The following PTPRD variants were observed in gnomAD, a reference collection of about 807,000 sequenced individuals.
PTPRD encodes receptor-type tyrosine-protein phosphatase delta.
A neutral mutation model predicts 214.5 loss-of-function variants in PTPRD; 34 were observed. That is an observed-to-expected ratio of 0.16 (90% CI 0.12 to 0.21). The LOEUF is 0.21. PTPRD is among the 10% of genes least tolerant of loss of function. The probability of loss-of-function intolerance (pLI) is 1.00; values close to 1 mark genes in which losing one functional copy is unlikely to be tolerated. For synonymous variants in PTPRD, 1,128 were observed against 845.7 expected (o/e 1.33, Z -5.79); for missense variants, 2,545 against 2,398.7 (o/e 1.06, Z -1.27).
intron 14 of PTPRD, among the ~76,000 whole-genome samples, chr9:8,591,877 G>A (rs1349197491): frequency 1.3e-5 from 2 of 152,076 alleles, no homozygotes; most frequent in African/African-American, 4.8e-5. Context: ...GAGCTAGTTG[G>A]CCATAAATAA....
At chr9:8,941,142 C>A (rs2099031613) in intron 11 of PTPRD, among the ~76,000 whole-genome samples, 1 of 152,074 alleles carries the variant, frequency 6.6e-6, no homozygotes, top group Non-Finnish European at 1.5e-5. Flanking sequence ...TCTCTTTGCT[C>A]ATAAACACAT....
chr9:9,138,341 T>C (rs886536245), intron 10 of PTPRD, among the ~76,000 whole-genome samples: 1 of 152,148 alleles, frequency 6.6e-6, no homozygotes, highest in East Asian at 1.9e-4. Flanking sequence ...ATAGCTTATG[T>C]ACCTGACACA....
intron 42 of PTPRD, among the ~76,000 whole-genome samples, chr9:8,339,714 C>T (rs527525823): frequency 5.3e-5 from 8 of 151,636 alleles, no homozygotes; most frequent in African/African-American, 1.5e-4. Context: ...GAAGCAAATA[C>T]GAAATAATGC....
chr9:9,471,796 C>A (rs1393489808), intron 8 of PTPRD, among the ~76,000 whole-genome samples: 1 of 152,038 alleles, frequency 6.6e-6, no homozygotes, highest in African/African-American at 2.4e-5. Context: ...ATATTTCATG[C>A]AAAAATGCAA....
At chr9:9,426,426 G>A (rs936266666) in intron 8 of PTPRD, among the ~76,000 whole-genome samples, 5 of 152,144 alleles carry the variant, frequency 3.3e-5, no homozygotes, top group South Asian at 4.1e-4. Flanking sequence ...GAACTGGGTG[G>A]AGCCCACCGC....
At chr9:9,888,340 A>G (rs79918705) in intron 5 of PTPRD, among the ~76,000 whole-genome samples, 7,717 of 152,246 alleles carry the variant, frequency 0.051, 275 homozygotes, top group Middle Eastern at 0.099. Flanking sequence ...CCTTGTGAAG[A>G]CAAGATATAG....
At chr9:9,513,869 A>T (rs1161113240) in intron 8 of PTPRD, among the ~76,000 whole-genome samples, 1 of 152,058 alleles carries the variant, frequency 6.6e-6, no homozygotes, top group Non-Finnish European at 1.5e-5. Context: ...TTTCTTCCTC[A>T]AATAAAAAGG....
At chr9:8,778,698 A>T (rs1299458216) in intron 11 of PTPRD, among the ~76,000 whole-genome samples, 1 of 152,214 alleles carries the variant, frequency 6.6e-6, no homozygotes, top group Non-Finnish European at 1.5e-5. Flanking sequence ...ATCTGCTTAG[A>T]AAGATCAGTA....
chr9:9,811,192 G>T (rs2047023001), intron 5 of PTPRD, among the ~76,000 whole-genome samples: 1 of 152,036 alleles, frequency 6.6e-6, no homozygotes. Flanking sequence ...CAACAAGAAT[G>T]AACTCTGTCT....
At chr9:9,831,127 G>A (rs73641377) in intron 5 of PTPRD, among the ~76,000 whole-genome samples, 29 of 151,982 alleles carry the variant, frequency 1.9e-4, no homozygotes, top group African/African-American at 4.8e-4. Flanking sequence ...CACTGATGTC[G>A]TCATTAAGCA....
chr9:9,073,898 T>C (rs1355227678), intron 10 of PTPRD, among the ~76,000 whole-genome samples: 3 of 152,132 alleles, frequency 2.0e-5, no homozygotes, highest in Non-Finnish European at 4.4e-5. Context: ...ATATACTAAA[T>C]GTAATTAAGC....
intron 3 of PTPRD, among the ~76,000 whole-genome samples, chr9:10,175,376 T>C (rs887040694): frequency 8.6e-5 from 13 of 152,044 alleles, no homozygotes; most frequent in Non-Finnish European, 1.6e-4. Flanking sequence ...ATTATTTGAG[T>C]CTCATCCTAT....
At chr9:10,600,787 G>A (rs921983499) in intron 2 of PTPRD, among the ~76,000 whole-genome samples, 2 of 151,744 alleles carry the variant, frequency 1.3e-5, no homozygotes, top group African/African-American at 4.8e-5. Flanking sequence ...TGGTATATAT[G>A]TTATTAACTA....
intron 2 of PTPRD, among the ~76,000 whole-genome samples, chr9:10,429,297 T>C (rs2154519989): frequency 1.3e-5 from 2 of 151,920 alleles, no homozygotes; most frequent in East Asian, 3.9e-4. Context: ...GAAGTAAAAA[T>C]AGAACTACCA....
chr9:8,462,482 T>A (rs1299820314), intron 32 of PTPRD, among the ~76,000 whole-genome samples: 2 of 152,014 alleles, frequency 1.3e-5, no homozygotes, highest in Non-Finnish European at 2.9e-5. Context: ...GATTCCCAAA[T>A]AAAACGTAGA....
intron 17 of PTPRD, 128 bp downstream of exon 17, chr9:8,526,499 T>C (rs1200671556): frequency 3.0e-6 from 2 of 658,604 alleles, no homozygotes; most frequent in Non-Finnish European, 4.8e-6. Context: ...AACCAAACAG[T>C]ACAAAGAAAA....
intron 3 of PTPRD, among the ~76,000 whole-genome samples, chr9:10,172,877 G>C (rs1356811340): frequency 2.0e-5 from 3 of 152,150 alleles, no homozygotes; most frequent in African/African-American, 2.4e-5. Context: ...CAGCTGACTA[G>C]ATGGATGAAC....
intron 2 of PTPRD, among the ~76,000 whole-genome samples, chr9:10,363,141 A>T (rs914361452): frequency 6.6e-6 from 1 of 152,132 alleles, no homozygotes; most frequent in African/African-American, 2.4e-5. Context: ...TTTTTTCTCA[A>T]ATTTTAATAT....
intron 11 of PTPRD, among the ~76,000 whole-genome samples, chr9:8,778,292 G>C (rs1030532035): frequency 1.3e-5 from 2 of 152,134 alleles, no homozygotes; most frequent in Admixed American, 1.3e-4. Context: ...TAAAACTTGA[G>C]ATAATTGCCT....
Sources: gnomAD v4.1 joint callset for allele counts (sites outside exome capture counted in the v4.1 genomes callset) on GRCh38, gnomAD v4.1.1 for gene constraint, MANE v1.5 for transcripts, NCBI Gene and HGNC (gene_info 2026-07-23, HGNC 2026-07-21) for gene names.